The following NBAS variants were observed in gnomAD, a reference collection of about 807,000 sequenced individuals.
NBAS encodes the protein NAG/BC035112 fusion.
In NBAS, 219 loss-of-function variants were observed where a neutral mutation model predicts 302.5. That is an observed-to-expected ratio of 0.72 (90% CI 0.65 to 0.81). The LOEUF is 0.81. Among genes scored for constraint, NBAS ranks in the 30% least tolerant of loss-of-function variants. NBAS has a pLI of 0.00. For missense variants in NBAS, 2,932 were observed against 2,841.6 expected, an observed-to-expected ratio of 1.03 and a Z score of -0.72; for synonymous variants, 1,118 against 1,021.6, an observed-to-expected ratio of 1.09 and a Z score of -1.80.
intron 23 of NBAS, among the ~76,000 whole-genome samples, chr2:15,423,031 C>T (rs533514570): frequency 3.9e-5 from 6 of 152,290 alleles, no homozygotes; most frequent in Middle Eastern, 3.4e-3. Flanking sequence ...CAACAACCTA[C>T]GTGGAGTTGA....
the NBAS span, among the ~76,000 whole-genome samples, chr2:14,946,337 A>T: frequency 6.6e-6 from 1 of 152,188 alleles, no homozygotes; most frequent in Non-Finnish European, 1.5e-5. Context: ...CGGCAAGGGA[A>T]AAGAGGCAAA....
At chr2:15,153,729 A>G in the NBAS span, among the ~76,000 whole-genome samples, 2 of 152,212 alleles carry the variant, frequency 1.3e-5, no homozygotes, top group Admixed American at 6.5e-5. Context: ...AATCTACTTG[A>G]CTACTTATCA....
At chr2:15,076,474 T>C in the NBAS span, among the ~76,000 whole-genome samples, 1 of 152,172 alleles carries the variant, frequency 6.6e-6, no homozygotes, top group African/African-American at 2.4e-5. Flanking sequence ...TGTGAAGGTG[T>C]CTCTCCCAGG....
the NBAS span, among the ~76,000 whole-genome samples, chr2:14,912,528 A>G: frequency 6.6e-6 from 1 of 152,126 alleles, no homozygotes; most frequent in Non-Finnish European, 1.5e-5. Flanking sequence ...CAAATGACCC[A>G]GGGACTGAGA....
chr2:15,457,794 AC>A (rs1233113023), intron 21 of NBAS, among the ~76,000 whole-genome samples: 5 of 152,366 alleles, frequency 3.3e-5, no homozygotes, highest in African/African-American at 1.2e-4. Context: ...AACCCTCACA[AC>A]GGAAATAATT....
the NBAS span, among the ~76,000 whole-genome samples, chr2:15,072,057 T>C: frequency 6.6e-6 from 1 of 152,244 alleles, no homozygotes; most frequent in Non-Finnish European, 1.5e-5. Context: ...GATGGCTCTC[T>C]AAAATGAATT....
chr2:15,107,578 G>A, the NBAS span, among the ~76,000 whole-genome samples: 1 of 152,108 alleles, frequency 6.6e-6, no homozygotes, highest in Admixed American at 6.6e-5. Flanking sequence ...CAGGGACCAA[G>A]CAAACTGTCC....
the NBAS span, among the ~76,000 whole-genome samples, chr2:14,831,957 ATCAG>A: frequency 1.3e-5 from 2 of 152,322 alleles, no homozygotes; most frequent in South Asian, 4.1e-4. Context: ...TTTCTAGCCA[ATCAG>A]TCAATGACTC....
At chr2:14,945,135 A>G in the NBAS span, among the ~76,000 whole-genome samples, 23,898 of 152,076 alleles carry the variant, frequency 0.16, 2,620 homozygotes, top group African/African-American at 0.31. Flanking sequence ...CTGGGCAGGA[A>G]CCCCTAGCCA....
At chr2:15,210,905 G>C (rs1242754523) in intron 48 of NBAS, among the ~76,000 whole-genome samples, 1 of 152,146 alleles carries the variant, frequency 6.6e-6, no homozygotes, top group African/African-American at 2.4e-5. Flanking sequence ...TCACTTATTT[G>C]TGGGAGCCAA....
chr2:14,883,821 C>A, the NBAS span, among the ~76,000 whole-genome samples: 15 of 151,756 alleles, frequency 9.9e-5, no homozygotes, highest in African/African-American at 3.1e-4. Context: ...AATACCTGGG[C>A]GTGGTGGCAC....
At chr2:15,470,166 C>T (rs1219255229) in intron 16 of NBAS, among the ~76,000 whole-genome samples, 11 of 152,040 alleles carry the variant, frequency 7.2e-5, no homozygotes, top group African/African-American at 1.2e-4. Context: ...TCCACAGCTG[C>T]GGCCTCCATA....
At chr2:14,993,598 C>G in the NBAS span, among the ~76,000 whole-genome samples, 1 of 152,164 alleles carries the variant, frequency 6.6e-6, no homozygotes, top group South Asian at 2.1e-4. Flanking sequence ...TTTGCTATTT[C>G]AAAGTGTTGG....
intron 38 of NBAS, among the ~76,000 whole-genome samples, chr2:15,324,817 C>T (rs189445051): frequency 1.3e-5 from 2 of 152,274 alleles, no homozygotes; most frequent in African/African-American, 4.8e-5. Context: ...TCTCCCACTC[C>T]CTAAAGCTCC....
rs182220018 is a variant in NBAS at position 15,461,258 on chromosome 2, G to A, written c.2282C>T (p.Ser761Phe). Residue 761 changes from serine (S) to phenylalanine (F), a missense_variant, in exon 21 of 52, where the codon TCC becomes TTC. Coordinates refer to ENST00000281513, the MANE Select transcript of NBAS (RefSeq NM_015909.4). ...TGGAGAAGTGGTCTCTGGAAAGTTG[G>A]ACAGAATTGCAAGGCGATGAGGAAG... ...DLLPHRLAIL[S>F]NFPETTSPHE... 1.4e-5 allele frequency: 22 copies of A among 1,613,766 alleles called. No individual in the cohort carries two copies. The East Asian group carries it at 3.6e-4, about 26-fold the overall frequency.
At chr2:15,082,125 T>C in the NBAS span, among the ~76,000 whole-genome samples, 1 of 152,178 alleles carries the variant, frequency 6.6e-6, no homozygotes, top group Non-Finnish European at 1.5e-5. Flanking sequence ...GATGGTGGTA[T>C]TGGTGGTGGT....
chr2:14,932,613 G>A, the NBAS span, among the ~76,000 whole-genome samples: 1 of 152,116 alleles, frequency 6.6e-6, no homozygotes, highest in Non-Finnish European at 1.5e-5. Context: ...AGTATTAAAG[G>A]CATCAATATG....
At chr2:15,480,907 T>C (rs1460413625) in intron 12 of NBAS, among the ~76,000 whole-genome samples, 1 of 152,208 alleles carries the variant, frequency 6.6e-6, no homozygotes, top group Non-Finnish European at 1.5e-5. Flanking sequence ...TGTGTGACCA[T>C]CACATCTATC....
chr2:14,878,954 G>A, the NBAS span, among the ~76,000 whole-genome samples: 2 of 152,130 alleles, frequency 1.3e-5, no homozygotes, highest in Non-Finnish European at 2.9e-5. Flanking sequence ...TGATCTGTCT[G>A]TTTACCTCAG....
Sources: allele counts gnomAD v4.1 joint callset (sites outside exome capture counted in the v4.1 genomes callset), GRCh38; gene constraint gnomAD v4.1.1; transcripts MANE v1.5; gene names NCBI Gene and HGNC (gene_info 2026-07-23, HGNC 2026-07-21).